Variants in DLGAP1 observed in about 807,000 individuals in gnomAD.
DLGAP1 encodes the protein disks large-associated protein 1.
DLGAP1 carries 11 observed loss-of-function variants against 90.8 expected under a neutral mutation model. The observed-to-expected ratio is 0.12, with a 90% CI of 0.08 to 0.20. DLGAP1 has a LOEUF of 0.20. DLGAP1 is among the 10% of genes least tolerant of loss of function. The probability of loss-of-function intolerance (pLI) is 1.00; values close to 1 mark genes in which losing one functional copy is unlikely to be tolerated. For missense variants in DLGAP1, 1,050 were observed against 1,333.8 expected, an observed-to-expected ratio of 0.79 and a Z score of 3.31; for synonymous variants, 558 against 540.7, an observed-to-expected ratio of 1.03 and a Z score of -0.44.
chr18:3,506,888 C>T lies in DLGAP1; in HGVS notation c.2571+1682G>A, dbSNP rs145272020. On this transcript the variant is annotated intron_variant, in intron 11 of 12. Coordinates refer to ENST00000315677, the MANE Select transcript of DLGAP1 (RefSeq NM_004746.4). ...CACAGCTGAAGCTTGATAGAATACT[C>T]GTTGGTTTAAATTCACTTATTAATA... Among the ~76,000 whole-genome samples, 6 of 152,178 alleles carry T rather than the reference C, an allele frequency of 3.9e-5. No homozygotes were observed. In the East Asian group the frequency reaches 9.7e-4, roughly 24 times the overall value.
intron 3 of DLGAP1, among the ~76,000 whole-genome samples, chr18:3,884,695 T>G (rs974149858): frequency 5.9e-5 from 9 of 152,180 alleles, no homozygotes; most frequent in African/African-American, 2.2e-4. Context: ...ACACAGTGTG[T>G]TTTTTACTAA....
intron 3 of DLGAP1, among the ~76,000 whole-genome samples, chr18:3,980,460 G>A (rs2073703686): frequency 6.6e-6 from 1 of 152,204 alleles, no homozygotes; most frequent in South Asian, 2.1e-4. Flanking sequence ...TGTCCAAAAT[G>A]AAGTGGGATA....
chr18:3,854,381 T>C (rs1017193864), intron 4 of DLGAP1, among the ~76,000 whole-genome samples: 2 of 152,232 alleles, frequency 1.3e-5, no homozygotes, highest in Non-Finnish European at 2.9e-5. Flanking sequence ...GGGGGAAATA[T>C]TTAAAATATT....
At chr18:3,669,869 T>G (rs1233274787) in intron 7 of DLGAP1, among the ~76,000 whole-genome samples, 1 of 152,144 alleles carries the variant, frequency 6.6e-6, no homozygotes, top group East Asian at 1.9e-4. Flanking sequence ...CCTATAGGGC[T>G]AAACTAAAAG....
intron 1 of DLGAP1, among the ~76,000 whole-genome samples, chr18:4,190,873 T>C (rs1051118097): frequency 2.6e-5 from 4 of 152,100 alleles, no homozygotes; most frequent in African/African-American, 9.7e-5. Flanking sequence ...TAAATATTTT[T>C]CCAGAAATAC....
chr18:4,292,266 ATTGT>A (rs938597268), intron 1 of DLGAP1, among the ~76,000 whole-genome samples: 1 of 152,162 alleles, frequency 6.6e-6, no homozygotes, highest in African/African-American at 2.4e-5. Flanking sequence ...CCACTTTATC[ATTGT>A]TTAATTTTTA....
chr18:3,893,581 A>AAATAATAAT lies in DLGAP1; in HGVS notation c.-72-13450_-72-13442dup, dbSNP rs57334634. On this transcript the variant is annotated intron_variant, in intron 3 of 12. Coordinates refer to ENST00000315677, the MANE Select transcript of DLGAP1 (RefSeq NM_004746.4). ...GCGACAAGAGCAAAACTCAATCTCA[A>AAATAATAAT]AATAATAATAATAATAATAATAATA... Among the ~76,000 whole-genome samples, 216 of 143,050 alleles carry AAATAATAAT rather than the reference A, an allele frequency of 1.5e-3. 1 individual carries two copies. Among genetic ancestry groups the AAATAATAAT allele is most frequent in the Middle Eastern group, 3.6e-3 (1 of 276 alleles). The allele number at this position is 143,050 out of a possible 152,430, so 93.8% of individuals were successfully genotyped here.
chr18:3,846,816 T>C (rs2069044619), intron 4 of DLGAP1, among the ~76,000 whole-genome samples: 1 of 152,196 alleles, frequency 6.6e-6, no homozygotes, highest in Non-Finnish European at 1.5e-5. Flanking sequence ...AGGAAGTGAT[T>C]GCTAACAGGT....
chr18:3,641,576 C>CAT (rs796432634), intron 7 of DLGAP1, among the ~76,000 whole-genome samples: 51 of 130,316 alleles, frequency 3.9e-4, no homozygotes, highest in African/African-American at 7.9e-4. Context: ...ACAATGTACA[C>CAT]ATATATATAT....
At chr18:3,931,745 C>A (rs989984465) in intron 3 of DLGAP1, among the ~76,000 whole-genome samples, 3 of 152,120 alleles carry the variant, frequency 2.0e-5, no homozygotes, top group African/African-American at 7.2e-5. Context: ...CACCTTTGCA[C>A]AGAGAATTTT....
At chr18:3,765,107 C>A (rs974743674) in intron 5 of DLGAP1, among the ~76,000 whole-genome samples, 1 of 144,398 alleles carries the variant, frequency 6.9e-6, no homozygotes, top group Non-Finnish European at 1.5e-5. Context: ...TCTCCATGCA[C>A]ACTTGCAAAC....
At chr18:4,256,775 A>G (rs73376935) in intron 1 of DLGAP1, among the ~76,000 whole-genome samples, 2,248 of 152,300 alleles carry the variant, frequency 0.015, 48 homozygotes, top group African/African-American at 0.05. Context: ...TTTTCCTTGA[A>G]AAGCATAATG....
In DLGAP1 at chr18:4,410,318, G is replaced by T. The variant is rs190486163; in HGVS notation, c.-267+44688C>A. ...AACTTATGGAAAAATAAAAAAATTGGTAGAAAAATTCAATAAGTCTAGCTA... is the reference window on the plus strand; with the variant it reads ...AACTTATGGAAAAATAAAAAAATTGTTAGAAAAATTCAATAAGTCTAGCTA... On this transcript the variant is annotated intron_variant, in intron 1 of 12. Transcript: ENST00000315677. Among the ~76,000 whole-genome samples the T allele has an allele frequency of 1.6e-4, 25 of 152,158 alleles. No homozygotes were observed. In the East Asian group the frequency reaches 3.9e-3, roughly 24 times the overall value.
At chr18:3,909,128 GTGTT>G (rs1309315827) in intron 3 of DLGAP1, among the ~76,000 whole-genome samples, 1 of 152,190 alleles carries the variant, frequency 6.6e-6, no homozygotes, top group Admixed American at 6.5e-5. Context: ...AATTACCTGA[GTGTT>G]TGTTGCCATG....
rs112024721 is a variant in DLGAP1, at chr18:4,417,703, G to C, written c.-267+37303C>G. Among the ~76,000 whole-genome samples the C allele has an allele frequency of 3.0e-3, 462 of 152,208 alleles. 1 individual carries two copies. Among genetic ancestry groups the C allele is most frequent in the African/African-American group, 0.011 (445 of 41,538 alleles). On this transcript the variant is annotated intron_variant, in intron 1 of 12. Coordinates refer to ENST00000315677, the MANE Select transcript of DLGAP1 (RefSeq NM_004746.4). ...ACAGGAAAAAACCAATTTCAGCTGA[G>C]GGAAGAAAACAGAAAACAAAACAAA...
chr18:3,589,735 G>A (rs1173183480), intron 7 of DLGAP1, among the ~76,000 whole-genome samples: 1 of 152,132 alleles, frequency 6.6e-6, no homozygotes, highest in African/African-American at 2.4e-5. Context: ...CAGAGCTCAT[G>A]GGGAAAGCAA....
intron 4 of DLGAP1, among the ~76,000 whole-genome samples, chr18:3,836,425 G>A (rs2068384958): frequency 6.6e-6 from 1 of 152,182 alleles, no homozygotes; most frequent in African/African-American, 2.4e-5. Context: ...TTAATCTTCA[G>A]TTTTTATAGG....
chr18:4,269,451 T>C (rs919891186), intron 1 of DLGAP1, among the ~76,000 whole-genome samples: 2 of 151,300 alleles, frequency 1.3e-5, no homozygotes, highest in African/African-American at 4.9e-5. Flanking sequence ...CCTGCCGGGC[T>C]CACGCCATTC....
intron 9 of DLGAP1, among the ~76,000 whole-genome samples, chr18:3,556,957 C>T (rs932109071): frequency 3.3e-5 from 5 of 152,064 alleles, no homozygotes; most frequent in Non-Finnish European, 7.4e-5. Flanking sequence ...TAGTTAAAGG[C>T]TTATCATTTT....
Sources: gnomAD v4.1 joint callset for allele counts (sites outside exome capture counted in the v4.1 genomes callset) on GRCh38, gnomAD v4.1.1 for gene constraint, MANE v1.5 for transcripts, NCBI Gene and HGNC (gene_info 2026-07-23, HGNC 2026-07-21) for gene names.